The following CUBN variants were observed in gnomAD, a reference collection of about 807,000 sequenced individuals.
The protein encoded by CUBN is cubilin, also known as 460 kDa receptor.
CUBN carries 282 observed loss-of-function variants against 405.3 expected under a neutral mutation model. That is an observed-to-expected ratio of 0.70 (90% CI 0.63 to 0.77). The LOEUF is 0.77. Among genes scored for constraint, CUBN ranks in the 30% least tolerant of loss-of-function variants. The pLI is 0.00. For synonymous variants in CUBN, 1,684 were observed against 1,617.0 expected, an observed-to-expected ratio of 1.04 and a Z score of -0.99; for missense variants, 4,514 against 4,475.2, an observed-to-expected ratio of 1.01 and a Z score of -0.25.
At chr10:16,888,906 A>C (rs1329301236) in intron 55 of CUBN, among the ~76,000 whole-genome samples, 3 of 152,226 alleles carry the variant, frequency 2.0e-5, no homozygotes, top group Admixed American at 6.5e-5. Context: ...GAAATAAAAC[A>C]GATAAAAAAT....
At chr10:17,064,329 T>C (rs111835793) in intron 22 of CUBN, among the ~76,000 whole-genome samples, 50 of 152,118 alleles carry the variant, frequency 3.3e-4, no homozygotes, top group African/African-American at 1.1e-3. Flanking sequence ...GAGAAATAAA[T>C]GGGAAATTGG....
At chr10:16,832,492 A>G (rs1839036943) in intron 64 of CUBN, among the ~76,000 whole-genome samples, 1 of 152,142 alleles carries the variant, frequency 6.6e-6, no homozygotes, top group South Asian at 2.1e-4. Flanking sequence ...TGTTTAAACA[A>G]AGTAACCTTG....
intron 29 of CUBN, among the ~76,000 whole-genome samples, chr10:16,989,268 TTACA>T (rs1833512096): frequency 6.6e-6 from 1 of 151,530 alleles, no homozygotes; most frequent in African/African-American, 2.4e-5. Flanking sequence ...AATAAATGTG[TTACA>T]TACATGTAAC....
intron 21 of CUBN, among the ~76,000 whole-genome samples, chr10:17,067,697 G>T (rs560715852): frequency 3.9e-5 from 6 of 152,246 alleles, no homozygotes; most frequent in East Asian, 1.9e-4. Flanking sequence ...CATTCAGTAC[G>T]TATAGTATGA....
Position 16,916,015 on chromosome 10 carries a change from C to G in CUBN, c.7016G>C (p.Arg2339Thr). The change falls in exon 46 of 67, where the codon AGA (arginine) becomes ACA (threonine). Residue 2339 changes from arginine (R) to threonine (T), a missense_variant. Around this residue, in one of 5 missense-constraint regions of CUBN, gnomAD observed 1,613 missense variants for 1,542.8 expected, o/e 1.05. Transcript: ENST00000377833. ...AKYSIAQCGG[R>T]VPGQSGVVES... Reference sequence around the variant, plus strand: ...AACAACACCACTTTGCCCTGGTACTCTTCCCCCACACTGAGCTGCAAAAAA... The same window carrying G: ...AACAACACCACTTTGCCCTGGTACTGTTCCCCCACACTGAGCTGCAAAAAA... 1 of 1,614,040 alleles carries G rather than the reference C, an allele frequency of 6.2e-7. No homozygotes were observed. Among genetic ancestry groups the G allele is most frequent in the Non-Finnish European group, 8.5e-7 (1 of 1,179,942 alleles).
In CUBN at chr10:16,937,728, C is replaced by CT; in HGVS notation, c.5789dup (p.Thr1931AspfsTer2). On this transcript the variant is annotated frameshift_variant, in exon 39 of 67. Transcript: ENST00000377833. LOFTEE classifies it high-confidence loss of function. ...TTCCAGTGGAGCTGAAAGATTCAGTCTGGGTACCACAGTAAGCTCCAATTA... is the reference window on the plus strand; with the variant it reads ...TTCCAGTGGAGCTGAAAGATTCAGTCTTGGGTACCACAGTAAGCTCCAATTA... The CT allele has an allele frequency of 6.2e-7, 1 of 1,614,088 alleles. No homozygotes were observed. The highest frequency in any genetic ancestry group is 8.5e-7 in the Non-Finnish European group (1 of 1,180,000).
chr10:16,906,344 T>C lies in CUBN; in HGVS notation c.7771A>G (p.Arg2591Gly), dbSNP rs1161153406. The change falls in exon 50 of 67, where the codon AGG becomes GGG. Residue 2591 changes from arginine to glycine, a missense_variant. Transcript: ENST00000377833. ...CAGTTCAGGTTTCTTGAGTAATTCC[T>C]GACTCCGTCATAGCCAGGAGAAGTA... Reference protein sequence around the residue: ...NFTSPGYDGVRNYSRNLNCEW... With the variant: ...NFTSPGYDGVGNYSRNLNCEW... 6.2e-7 allele frequency: 1 copy of C among 1,614,022 alleles called. No homozygotes were observed. Among genetic ancestry groups the C allele is most frequent in the South Asian group, 1.1e-5 (1 of 91,092 alleles).
chr10:16,987,260 T>C (rs1405799935), intron 29 of CUBN, among the ~76,000 whole-genome samples: 1 of 152,164 alleles, frequency 6.6e-6, no homozygotes, highest in East Asian at 1.9e-4. Flanking sequence ...ACATGACTCT[T>C]CAAAAGAAGA....
intron 28 of CUBN, among the ~76,000 whole-genome samples, chr10:17,007,647 G>A (rs1564474982): frequency 6.6e-6 from 1 of 152,076 alleles, no homozygotes; most frequent in African/African-American, 2.4e-5. Context: ...CAGGGGGAAG[G>A]GATTGCAAGG....
At position 17,071,373 on chromosome 10, in the gene CUBN, T is replaced by A. The variant is rs1588623904; in HGVS notation, c.2625+53A>T. 4.5e-6 allele frequency: 7 copies of A among 1,559,294 alleles called. No individual in the cohort carries two copies. In the East Asian group the frequency reaches 1.4e-4, roughly 31 times the overall value. ...CAGATTTGAAGACAACAACCCATAA[T>A]ATTTTTTATAATATACAACCAAATA... On this transcript the variant is annotated intron_variant, in intron 19 of 66. Coordinates refer to ENST00000377833, the MANE Select transcript of CUBN (RefSeq NM_001081.4).
chr10:17,107,116 A>C (rs1340014463), intron 10 of CUBN, among the ~76,000 whole-genome samples: 1 of 152,204 alleles, frequency 6.6e-6, no homozygotes, highest in Non-Finnish European at 1.5e-5. Flanking sequence ...ATCCACGATT[A>C]ATTATGATGT....
At chr10:16,856,396 A>C (rs1839869549) in intron 59 of CUBN, among the ~76,000 whole-genome samples, 1 of 152,168 alleles carries the variant, frequency 6.6e-6, no homozygotes, top group African/African-American at 2.4e-5. Context: ...GAGAAAATAC[A>C]TGTTTTGGCT....
intron 54 of CUBN, among the ~76,000 whole-genome samples, chr10:16,895,923 CT>C (rs1425654447): frequency 6.6e-6 from 1 of 152,012 alleles, no homozygotes; most frequent in East Asian, 1.9e-4. Flanking sequence ...TTTCTGTTTA[CT>C]TTATCTGCTT....
chr10:16,848,689 C>CGTT (rs1839590151), intron 60 of CUBN, among the ~76,000 whole-genome samples: 3 of 33,856 alleles, frequency 8.9e-5, no homozygotes, highest in Non-Finnish European at 3.4e-4. Context: ...TCTCTCCCAG[C>CGTT]CTTTTTTTTT....
At chr10:16,860,437 A>G (rs1444565624) in intron 59 of CUBN, among the ~76,000 whole-genome samples, 2 of 152,230 alleles carry the variant, frequency 1.3e-5, no homozygotes, top group Non-Finnish European at 2.9e-5. Flanking sequence ...CTAGAAAGAT[A>G]TAATAATTAT....
Position 17,046,013 on chromosome 10 carries a change from G to T in CUBN, c.3411C>A (p.Asn1137Lys). The T allele has an allele frequency of 6.2e-7, 1 of 1,612,950 alleles. No individual in the cohort carries two copies. The highest frequency in any genetic ancestry group is 8.5e-7 in the Non-Finnish European group (1 of 1,178,988). Residue 1137 changes from asparagine (N) to lysine (K), a missense_variant, in exon 24 of 67, where the codon AAC (asparagine) becomes AAA (lysine). Physicochemically the swap from Asn to Lys is moderately conservative, Grantham distance 94 (BLOSUM62 0). Coordinates refer to ENST00000377833, the MANE Select transcript of CUBN (RefSeq NM_001081.4). ...CACTCTTAAATTTTAACCATAGTTT[G>T]TTACTATGAGAGATGATTGTTGGGG... ...NLPPTIISHSNKLWLKFKSDQ... is the reference protein window; with the variant it reads ...NLPPTIISHSKKLWLKFKSDQ...
intron 36 of CUBN, among the ~76,000 whole-genome samples, chr10:16,941,068 A>G (rs1842638419): frequency 6.6e-6 from 1 of 152,232 alleles, no homozygotes; most frequent in African/African-American, 2.4e-5. Context: ...AGTCTGGAAC[A>G]TGTAGGTGCT....
At chr10:17,125,248 A>C (rs1400449004) in intron 4 of CUBN, among the ~76,000 whole-genome samples, 1 of 151,940 alleles carries the variant, frequency 6.6e-6, no homozygotes, top group Non-Finnish European at 1.5e-5. Context: ...GCACATACAT[A>C]CACACACACA....
intron 60 of CUBN, among the ~76,000 whole-genome samples, chr10:16,846,166 CTTTG>C (rs1312922178): frequency 1.3e-5 from 2 of 152,106 alleles, no homozygotes; most frequent in African/African-American, 4.8e-5. Flanking sequence ...GAAGACTGTA[CTTTG>C]TTTGGTTTAG....
Sources: gnomAD v4.1 joint callset for allele counts (sites outside exome capture counted in the v4.1 genomes callset) on GRCh38, gnomAD v4.1.1 for gene constraint, gnomAD v4.1.1 regional missense constraint, MANE v1.5 for transcripts, NCBI Gene and HGNC (gene_info 2026-07-23, HGNC 2026-07-21) for gene names.